The following DLAT variants were observed in gnomAD, a reference collection of about 807,000 sequenced individuals.
The protein encoded by DLAT is dihydrolipoyllysine-residue acetyltransferase component of pyruvate dehydrogenase complex, mitochondrial.
A neutral mutation model predicts 68.0 loss-of-function variants in DLAT; 43 were observed. The ratio of observed to expected loss-of-function variants is 0.63; its 90% CI spans 0.50 to 0.81. DLAT has a LOEUF of 0.81. Among genes scored for constraint, DLAT ranks in the 40% least tolerant of loss-of-function variants. The pLI, the probability that DLAT is intolerant of heterozygous loss-of-function variation, is 0.00. For synonymous variants in DLAT, 265 were observed against 288.6 expected (o/e 0.92, Z 0.83); for missense variants, 745 against 815.4 (o/e 0.91, Z 1.05).
intron 5 of DLAT, among the ~76,000 whole-genome samples, chr11:112,034,416 C>G (rs1384288710): frequency 2.0e-5 from 3 of 151,618 alleles, no homozygotes; most frequent in Non-Finnish European, 4.4e-5. Flanking sequence ...TAAAAAAACC[C>G]ATATAGACAA....
intron 7 of DLAT, 24 bp downstream of exon 7, chr11:112,039,421 A>G: frequency 4.3e-6 from 7 of 1,612,782 alleles, no homozygotes; most frequent in Non-Finnish European, 5.9e-6. Context: ...TATAGAATGG[A>G]CTTTATAAAG....
In DLAT at chr11:112,064,199, A is replaced by G. The variant is rs1555183609; in HGVS notation, c.*1664A>G. Reference sequence around the variant, plus strand: ...CTTCAAAGATAATTCATCTTTCGCTAATGCTTGTGGTTCTGTTGTTCCCTT... The same window carrying G: ...CTTCAAAGATAATTCATCTTTCGCTGATGCTTGTGGTTCTGTTGTTCCCTT... On this transcript the variant is annotated 3_prime_UTR_variant, in exon 14 of 14. Coordinates refer to ENST00000280346, the MANE Select transcript of DLAT (RefSeq NM_001931.5). The G allele has an allele frequency of 6.4e-7, 1 of 1,571,778 alleles. No homozygotes were observed. The highest frequency in any genetic ancestry group is 1.2e-5 in the South Asian group (1 of 84,994).
In DLAT at chr11:112,061,019, T is replaced by A; in HGVS notation, c.1678-19T>A. On this transcript the variant is annotated intron_variant, in intron 12 of 13. Coordinates refer to ENST00000280346, the MANE Select transcript of DLAT (RefSeq NM_001931.5). Reference sequence around the variant, plus strand: ...TATGTTGACAAACTATAATTTATTTTTAATTTTTTTTCCTCTAGGGTGGCA... The same window carrying A: ...TATGTTGACAAACTATAATTTATTTATAATTTTTTTTCCTCTAGGGTGGCA... The A allele has an allele frequency of 2.6e-6, 4 of 1,546,680 alleles. No homozygotes were observed. The highest frequency in any genetic ancestry group is 3.5e-6 in the Non-Finnish European group (4 of 1,142,438).
chr11:112,054,586 A>G (rs1036001731), intron 11 of DLAT, among the ~76,000 whole-genome samples: 2 of 152,202 alleles, frequency 1.3e-5, no homozygotes, highest in South Asian at 2.1e-4. Flanking sequence ...AATCTGATCA[A>G]ACCTATTGGG....
At chr11:112,032,723 A>G (rs1862479899) in intron 4 of DLAT, 1 of 152,434 alleles carries the variant, frequency 6.6e-6, no homozygotes, top group South Asian at 2.1e-4. Context: ...ATTTTAACAG[A>G]ATGGTTTGGA....
chr11:112,039,631 CT>C (rs1258185216), intron 7 of DLAT, among the ~76,000 whole-genome samples: 2 of 151,372 alleles, frequency 1.3e-5, no homozygotes, highest in Non-Finnish European at 2.9e-5. Flanking sequence ...CTTTAGATAC[CT>C]TTTTTTTTCC....
At chr11:112,054,761 C>T (rs868906962) in intron 11 of DLAT, among the ~76,000 whole-genome samples, 1 of 152,286 alleles carries the variant, frequency 6.6e-6, no homozygotes, top group South Asian at 2.1e-4. Flanking sequence ...GGAAACAAGT[C>T]TGAAATCAGG....
chr11:112,062,506 C>T lies in DLAT; in HGVS notation c.1915C>T (p.Leu639Phe). Residue 639 changes from leucine to phenylalanine, a missense_variant, in exon 14 of 14, where the codon CTT becomes TTT. Leu to Phe is a conservative substitution (Grantham distance 22, BLOSUM62 0). Coordinates refer to ENST00000280346, the MANE Select transcript of DLAT (RefSeq NM_001931.5). ...AQWLAEFRKY[L>F]EKPITMLL Reference sequence around the variant, plus strand: ...GTGGCTTGCTGAGTTTAGAAAGTACCTTGAAAAACCTATCACTATGTTGTT... The same window carrying T: ...GTGGCTTGCTGAGTTTAGAAAGTACTTTGAAAAACCTATCACTATGTTGTT... 1 of 1,612,516 alleles carries T rather than the reference C, an allele frequency of 6.2e-7. No individual in the cohort carries two copies. The highest frequency in any genetic ancestry group is 8.5e-7 in the Non-Finnish European group (1 of 1,180,000).
At chr11:112,044,988 T>C in intron 8 of DLAT, 150 bp from the exon 9 acceptor site, 1 of 698,870 alleles carries the variant, frequency 1.4e-6, no homozygotes, top group Non-Finnish European at 2.6e-6. Context: ...TGAACCATGA[T>C]TGAGCCACTG....
intron 2 of DLAT, among the ~76,000 whole-genome samples, chr11:112,027,145 G>T (rs1430433140): frequency 6.6e-6 from 1 of 152,000 alleles, no homozygotes; most frequent in East Asian, 1.9e-4. Flanking sequence ...TTCTCAGACG[G>T]GGTGGCTGCC....
At position 112,028,512 on chromosome 11, in the gene DLAT, A is replaced by G. The variant is rs1289232102; in HGVS notation, c.382-3A>G. On this transcript the variant is annotated splice_polypyrimidine_tract_variant and splice_region_variant and intron_variant, in intron 2 of 13. Coordinates refer to ENST00000280346, the MANE Select transcript of DLAT (RefSeq NM_001931.5). ...CCTGAGCTACTGCTTTTTGTGTTAA[A>G]AGGTTGAAACTGATAAAGCCACTGT... is the stretch of plus-strand genomic sequence containing the variant. The G allele has an allele frequency of 1.2e-6, 2 of 1,613,938 alleles. No individual in the cohort carries two copies. The highest frequency in any genetic ancestry group is 3.3e-5 in the Admixed American group (2 of 59,996).
At chr11:112,061,247 A>G in intron 13 of DLAT, 73 bp downstream of exon 13, 1 of 1,560,414 alleles carries the variant, frequency 6.4e-7, no homozygotes, top group East Asian at 2.2e-5. Context: ...TGGTATCCTC[A>G]GGGGATTGGC....
intron 6 of DLAT, among the ~76,000 whole-genome samples, chr11:112,038,306 C>T (rs1250944491): frequency 6.6e-6 from 1 of 151,974 alleles, no homozygotes; most frequent in African/African-American, 2.4e-5. Flanking sequence ...TCAAGCAATT[C>T]TCCTGCCTCG....
chr11:112,028,420 CAAAAAAAAAAAAAAAA>C (rs148561787), intron 2 of DLAT, 79 bp from the exon 3 acceptor site: 1 of 674,744 alleles, frequency 1.5e-6, no homozygotes, highest in African/African-American at 2.7e-5. Context: ...CTCTGTGTCT[CAAAAAAAAAAAAAAAA>C]AAAAAAAAAT....
chr11:112,027,153 G>T (rs2137686295), intron 2 of DLAT, among the ~76,000 whole-genome samples: 1 of 151,970 alleles, frequency 6.6e-6, no homozygotes, highest in South Asian at 2.1e-4. Context: ...CGGGGTGGCT[G>T]CCGGGCGGAG....
intron 7 of DLAT, among the ~76,000 whole-genome samples, chr11:112,042,221 C>T (rs1252404064): frequency 2.6e-5 from 4 of 152,084 alleles, no homozygotes; most frequent in Admixed American, 1.3e-4. Flanking sequence ...GTTGTGCCGC[C>T]CAAGAGAGAT....
chr11:112,035,582 G>C (rs1434512480), intron 5 of DLAT, among the ~76,000 whole-genome samples: 1 of 151,358 alleles, frequency 6.6e-6, no homozygotes, highest in African/African-American at 2.4e-5. Flanking sequence ...TCTGCCTCCT[G>C]GGTTCAAGCG....
intron 2 of DLAT, among the ~76,000 whole-genome samples, chr11:112,026,608 A>G (rs1862029408): frequency 6.6e-6 from 1 of 152,196 alleles, no homozygotes; most frequent in Non-Finnish European, 1.5e-5. Flanking sequence ...CTGAGTGGAC[A>G]CAGCACATGT....
In DLAT at chr11:112,039,336, T is replaced by A. The variant is rs1321811660; in HGVS notation, c.1068T>A (p.Phe356Leu). 4.3e-6 allele frequency: 7 copies of A among 1,614,016 alleles called. No homozygotes were observed. The highest frequency in any genetic ancestry group is 3.3e-5 in the Admixed American group (2 of 60,002). ...ATPAGPKGRV[F>L]VSPLAKKLAV... is the part of the protein sequence containing the mutation. ...CTGCTGGACCAAAGGGAAGGGTGTT[T>A]GTTAGCCCTCTTGCAAAGAAGTTGG... The change falls in exon 7 of 14, where the codon TTT (phenylalanine) becomes TTA (leucine). Residue 356 changes from phenylalanine to leucine, a missense_variant. Coordinates refer to ENST00000280346, the MANE Select transcript of DLAT (RefSeq NM_001931.5).
Sources: allele counts gnomAD v4.1 joint callset (sites outside exome capture counted in the v4.1 genomes callset), GRCh38; gene constraint gnomAD v4.1.1; transcripts MANE v1.5; gene names NCBI Gene and HGNC (gene_info 2026-07-23, HGNC 2026-07-21).